Variants in AFF3 observed in about 807,000 individuals in gnomAD.
The protein encoded by AFF3 is ALF transcription elongation factor 3.
In AFF3, 32 loss-of-function variants were observed where a neutral mutation model predicts 129.7. The observed-to-expected ratio is 0.25, with a 90% CI of 0.19 to 0.33. The LOEUF (loss-of-function observed/expected upper bound fraction) is 0.33, where lower values mean the gene tolerates loss of function less well. Among genes scored for constraint, AFF3 ranks in the 10% least tolerant of loss-of-function variants. The pLI is 1.00. For missense variants in AFF3, 1,373 were observed against 1,592.0 expected, an observed-to-expected ratio of 0.86 and a Z score of 2.34; for synonymous variants, 644 against 635.4, an observed-to-expected ratio of 1.01 and a Z score of -0.20.
Position 100,006,877 on chromosome 2 carries a change from C to T in AFF3, c.628G>A (p.Gly210Arg), listed in dbSNP as rs759368834. 40 of 1,614,138 alleles carry T rather than the reference C, an allele frequency of 2.5e-5. No individual in the cohort carries two copies. Among genetic ancestry groups the T allele is most frequent in the Middle Eastern group, 1.6e-4 (1 of 6,062 alleles). Residue 210 changes from glycine (G) to arginine (R), a missense_variant, in exon 7 of 25, where the codon GGA becomes AGA. Around this residue, in one of 9 missense-constraint regions of AFF3, gnomAD observed 255 missense variants for 256.0 expected, o/e 1.00. Coordinates refer to ENST00000672756, the MANE Select transcript of AFF3 (RefSeq NM_001386135.1). ...GGAGGAAAGTTCTGAACACAGTGTC[C>T]GCTGCTGCTGTGCTTGGCCGCCATG... Reference protein sequence around the residue: ...PAMAAKHSSSGHCVQNFPPSL... With the variant: ...PAMAAKHSSSRHCVQNFPPSL...
At chr2:99,564,063 G>A (rs1675753413) in intron 20 of AFF3, among the ~76,000 whole-genome samples, 1 of 152,168 alleles carries the variant, frequency 6.6e-6, no homozygotes, top group Non-Finnish European at 1.5e-5. Context: ...ATTTTCAAGT[G>A]TGAATGCCTT....
intron 7 of AFF3, among the ~76,000 whole-genome samples, chr2:100,001,393 A>T (rs1414902307): frequency 6.6e-6 from 1 of 152,164 alleles, no homozygotes; most frequent in Non-Finnish European, 1.5e-5. Flanking sequence ...AAGTTTTTTC[A>T]TGTTAAATGC....
chr2:99,685,800 G>A (rs951920003), intron 11 of AFF3, among the ~76,000 whole-genome samples: 2 of 152,100 alleles, frequency 1.3e-5, no homozygotes, highest in Non-Finnish European at 2.9e-5. Context: ...GGAAAATAAC[G>A]ATCTATTTAG....
intron 18 of AFF3, among the ~76,000 whole-genome samples, chr2:99,576,501 G>A (rs1677009993): frequency 7.2e-6 from 1 of 139,340 alleles, no homozygotes. Flanking sequence ...GCGTGACAGG[G>A]CAAGACCCTG....
chr2:100,119,838 A>G (rs2105553107), intron 2 of AFF3, among the ~76,000 whole-genome samples: 1 of 152,344 alleles, frequency 6.6e-6, no homozygotes, highest in South Asian at 2.1e-4. Context: ...ACAGACCTTC[A>G]GTGCATTATG....
intron 11 of AFF3, among the ~76,000 whole-genome samples, chr2:99,687,209 T>TA (rs1675148750): frequency 6.6e-6 from 1 of 152,232 alleles, no homozygotes; most frequent in East Asian, 1.9e-4. Flanking sequence ...ACCACAAACG[T>TA]ATTCCTGGCT....
At chr2:99,565,907 T>TC (rs1442206185) in intron 19 of AFF3, among the ~76,000 whole-genome samples, 2 of 152,208 alleles carry the variant, frequency 1.3e-5, no homozygotes, top group Non-Finnish European at 2.9e-5. Context: ...GATTTCTGTT[T>TC]CCCTCTTTCT....
At position 100,022,504 on chromosome 2, in the gene AFF3, G is replaced by A. The variant is rs937478401; in HGVS notation, c.54-13572C>T. Among the ~76,000 whole-genome samples the A allele has an allele frequency of 1.3e-4, 20 of 151,802 alleles. No homozygotes were observed. In the East Asian group the frequency reaches 1.6e-3, roughly 12 times the overall value. On this transcript the variant is annotated intron_variant, in intron 4 of 24. Coordinates refer to ENST00000672756, the MANE Select transcript of AFF3 (RefSeq NM_001386135.1). ...CGGCTCACTGTGACCTCCGCCTTCC[G>A]GGTTCAAGAGATTCTCATGTCTCAG...
intron 7 of AFF3, among the ~76,000 whole-genome samples, chr2:99,885,359 G>A (rs1276801312): frequency 1.6e-4 from 25 of 152,112 alleles, no homozygotes; most frequent in Admixed American, 1.6e-3. Context: ...TGTCTCACAG[G>A]GCTATTTAAC....
At chr2:99,770,339 C>T (rs2163043) in intron 8 of AFF3, among the ~76,000 whole-genome samples, 15,848 of 152,062 alleles carry the variant, frequency 0.1, 2,560 homozygotes, top group African/African-American at 0.35. Flanking sequence ...TCAGTCAAGT[C>T]GTGGTGAGTG....
intron 7 of AFF3, among the ~76,000 whole-genome samples, chr2:99,961,575 C>T (rs1314880110): frequency 2.0e-5 from 3 of 152,182 alleles, no homozygotes; most frequent in Admixed American, 6.5e-5. Flanking sequence ...CACAGTCCTA[C>T]ACAAACTGGG....
At chr2:99,865,354 G>C (rs113107065) in intron 7 of AFF3, among the ~76,000 whole-genome samples, 2 of 152,204 alleles carry the variant, frequency 1.3e-5, no homozygotes, top group Non-Finnish European at 2.9e-5. Context: ...ATGAGCAATA[G>C]GCTCTAGAGA....
At chr2:100,135,779 T>C (rs1023319956) in intron 1 of AFF3, among the ~76,000 whole-genome samples, 2 of 152,196 alleles carry the variant, frequency 1.3e-5, no homozygotes, top group Admixed American at 1.3e-4. Flanking sequence ...GTTATAAGAA[T>C]TCCTCCAGCT....
intron 7 of AFF3, among the ~76,000 whole-genome samples, chr2:99,868,953 T>C (rs927852699): frequency 6.6e-6 from 1 of 152,126 alleles, no homozygotes; most frequent in East Asian, 1.9e-4. Context: ...CCACTGTGCA[T>C]GGCTAACATT....
intron 7 of AFF3, among the ~76,000 whole-genome samples, chr2:99,876,327 A>G (rs953721517): frequency 6.6e-6 from 1 of 152,178 alleles, no homozygotes; most frequent in African/African-American, 2.4e-5. Flanking sequence ...TCTCAAGCTG[A>G]ACTCTTGATC....
At chr2:99,986,062 G>A (rs1177902758) in intron 7 of AFF3, among the ~76,000 whole-genome samples, 3 of 151,778 alleles carry the variant, frequency 2.0e-5, no homozygotes, top group African/African-American at 7.3e-5. Flanking sequence ...TTAGTCAGGC[G>A]TGGTGGTGGG....
chr2:99,944,714 T>C (rs1227828261), intron 7 of AFF3, among the ~76,000 whole-genome samples: 2 of 152,182 alleles, frequency 1.3e-5, no homozygotes, highest in Non-Finnish European at 2.9e-5. Context: ...ACAAGAAGGA[T>C]AAGACAAGGC....
intron 7 of AFF3, among the ~76,000 whole-genome samples, chr2:99,937,324 G>C (rs1176370617): frequency 6.6e-6 from 1 of 152,188 alleles, no homozygotes; most frequent in African/African-American, 2.4e-5. Flanking sequence ...GAAGGGAAAA[G>C]GTCACTCACA....
chr2:100,066,437 TC>T (rs951817183), intron 4 of AFF3, among the ~76,000 whole-genome samples: 4 of 152,194 alleles, frequency 2.6e-5, no homozygotes, highest in African/African-American at 9.7e-5. Flanking sequence ...CCTCTTCTGT[TC>T]CCTGCCACTT....
Sources: allele counts gnomAD v4.1 joint callset (sites outside exome capture counted in the v4.1 genomes callset), GRCh38; gene constraint gnomAD v4.1.1; regional missense constraint gnomAD v4.1.1; transcripts MANE v1.5; gene names NCBI Gene and HGNC (gene_info 2026-07-23, HGNC 2026-07-21).